The following CSMD1 variants were observed in gnomAD, a reference collection of about 807,000 sequenced individuals.
CSMD1 encodes CUB and Sushi multiple domains 1, also known as CUB and sushi domain-containing protein 1.
Under a neutral mutation model 417.5 loss-of-function variants are expected in CSMD1, and 213 were observed. The observed-to-expected ratio is 0.51, with a 90% CI of 0.46 to 0.57. The LOEUF is 0.57. CSMD1 is among the 20% of genes least tolerant of loss of function. CSMD1 has a pLI of 0.00. For missense variants in CSMD1, 6,923 were observed against 4,529.7 expected, an observed-to-expected ratio of 1.53 and a Z score of -15.17; for synonymous variants, 2,862 against 1,736.8, an observed-to-expected ratio of 1.65 and a Z score of -16.11.
chr8:3,514,628 T>A (rs1285863591), intron 10 of CSMD1, among the ~76,000 whole-genome samples: 1 of 152,254 alleles, frequency 6.6e-6, no homozygotes, highest in Non-Finnish European at 1.5e-5. Flanking sequence ...CTTTTTTCAG[T>A]GCTAGTCATA....
At chr8:4,933,457 A>T (rs949245810) in intron 1 of CSMD1, among the ~76,000 whole-genome samples, 2 of 152,232 alleles carry the variant, frequency 1.3e-5, no homozygotes, top group African/African-American at 2.4e-5. Context: ...TTAATTTCAA[A>T]GCCAACAAGG....
At chr8:4,213,577 T>G (rs1347850214) in intron 3 of CSMD1, among the ~76,000 whole-genome samples, 1 of 152,216 alleles carries the variant, frequency 6.6e-6, no homozygotes, top group African/African-American at 2.4e-5. Context: ...CTCTCCCACT[T>G]GCAACGTGAA....
At chr8:3,723,112 T>C (rs943367293) in intron 6 of CSMD1, among the ~76,000 whole-genome samples, 4 of 152,166 alleles carry the variant, frequency 2.6e-5, no homozygotes, top group Non-Finnish European at 2.9e-5. Context: ...AGTCAGGTTA[T>C]TGGTGAAGTC....
At chr8:4,070,340 T>A (rs928318036) in intron 3 of CSMD1, among the ~76,000 whole-genome samples, 1 of 152,280 alleles carries the variant, frequency 6.6e-6, no homozygotes, top group East Asian at 1.9e-4. Context: ...AATGTCTTCT[T>A]ATATTAACCA....
At chr8:4,915,921 T>A (rs888975263) in intron 1 of CSMD1, among the ~76,000 whole-genome samples, 4 of 151,898 alleles carry the variant, frequency 2.6e-5, no homozygotes, top group Non-Finnish European at 5.9e-5. Flanking sequence ...TCATGGGGAG[T>A]GGGTATAAAA....
chr8:4,791,592 C>T (rs766139140), intron 1 of CSMD1, among the ~76,000 whole-genome samples: 18 of 152,170 alleles, frequency 1.2e-4, no homozygotes, highest in Non-Finnish European at 2.6e-4. Flanking sequence ...AAATCTGAAG[C>T]AGGACCTTAA....
intron 52 of CSMD1, among the ~76,000 whole-genome samples, chr8:3,017,806 TAAAAAAAAAA>T (rs777717027): frequency 1.0e-4 from 8 of 76,484 alleles, no homozygotes; most frequent in Admixed American, 3.3e-4. Flanking sequence ...TTGAGTGATT[TAAAAAAAAAA>T]AAAAAAAAAA....
chr8:3,448,241 G>A (rs1164369238), intron 12 of CSMD1, among the ~76,000 whole-genome samples: 3 of 143,736 alleles, frequency 2.1e-5, no homozygotes, highest in African/African-American at 7.8e-5. Flanking sequence ...AAAGGGAGAA[G>A]AGGATTGATC....
chr8:4,285,977 G>C (rs1200898576), intron 3 of CSMD1, among the ~76,000 whole-genome samples: 1 of 152,104 alleles, frequency 6.6e-6, no homozygotes, highest in Non-Finnish European at 1.5e-5. Flanking sequence ...CGTATGCAGT[G>C]AGTCACCTTT....
rs551902987 is a variant in CSMD1 at position 4,288,281 on chromosome 8, G to A, written c.415+131672C>T. Among the ~76,000 whole-genome samples the A allele has an allele frequency of 2.6e-5, 4 of 152,258 alleles. No homozygotes were observed. In the East Asian group the frequency reaches 7.7e-4, roughly 29 times the overall value. On this transcript the variant is annotated intron_variant, in intron 3 of 69. Coordinates refer to ENST00000635120, the MANE Select transcript of CSMD1 (RefSeq NM_033225.6). ...GACATGCCCCCACTGGGAACAGTAA[G>A]CTCCCTTTCCTAAGGTACTATTTTT... is the stretch of plus-strand genomic sequence containing the variant.
chr8:3,225,091 A>G (rs1219909783), intron 27 of CSMD1, among the ~76,000 whole-genome samples: 1 of 152,224 alleles, frequency 6.6e-6, no homozygotes, highest in Non-Finnish European at 1.5e-5. Flanking sequence ...TCCCCTATAC[A>G]AAAAGAGACT....
chr8:3,199,032 T>C (rs1285746949), intron 33 of CSMD1, among the ~76,000 whole-genome samples: 1 of 152,240 alleles, frequency 6.6e-6, no homozygotes, highest in South Asian at 2.1e-4. Context: ...TAATCCAAGC[T>C]TCTGAAAGTG....
intron 5 of CSMD1, among the ~76,000 whole-genome samples, chr8:3,970,692 T>A (rs1321473633): frequency 6.6e-6 from 1 of 152,170 alleles, no homozygotes. Flanking sequence ...AAATGTATAT[T>A]TATATGTCCA....
intron 1 of CSMD1, among the ~76,000 whole-genome samples, chr8:4,641,995 G>A (rs1803222625): frequency 6.6e-6 from 1 of 152,184 alleles, no homozygotes; most frequent in Admixed American, 6.5e-5. Flanking sequence ...CATGCAAGAT[G>A]TGAACAATTT....
chr8:3,075,104 C>T (rs966331802), intron 49 of CSMD1, among the ~76,000 whole-genome samples: 2 of 152,046 alleles, frequency 1.3e-5, no homozygotes, highest in South Asian at 2.1e-4. Context: ...TTTTGCTAGG[C>T]GATGTGCCTG....
At chr8:3,252,766 C>G (rs1047509122) in intron 26 of CSMD1, among the ~76,000 whole-genome samples, 2 of 152,192 alleles carry the variant, frequency 1.3e-5, no homozygotes, top group South Asian at 4.1e-4. Context: ...TTCAGAGATT[C>G]AACTTCTTCC....
At chr8:4,965,060 T>C (rs1160019988) in intron 1 of CSMD1, among the ~76,000 whole-genome samples, 1 of 152,332 alleles carries the variant, frequency 6.6e-6, no homozygotes, top group South Asian at 2.1e-4. Flanking sequence ...TCAAATATAT[T>C]TCAAAGCCTC....
chr8:3,980,101 G>T (rs1361924827), intron 5 of CSMD1, among the ~76,000 whole-genome samples: 2 of 147,770 alleles, frequency 1.4e-5, no homozygotes, highest in Admixed American at 6.7e-5. Context: ...ACTTTTGTCT[G>T]TTTTTTCTAG....
At chr8:3,854,391 T>C (rs1328871554) in intron 5 of CSMD1, among the ~76,000 whole-genome samples, 2 of 152,068 alleles carry the variant, frequency 1.3e-5, no homozygotes, top group South Asian at 2.1e-4. Context: ...TGAATTAAAG[T>C]ATCATATTTT....
Sources: gnomAD v4.1 joint callset for allele counts (sites outside exome capture counted in the v4.1 genomes callset) on GRCh38, gnomAD v4.1.1 for gene constraint, MANE v1.5 for transcripts, NCBI Gene and HGNC (gene_info 2026-07-23, HGNC 2026-07-21) for gene names.